The following RANBP2 variants were observed in gnomAD, a reference collection of about 807,000 sequenced individuals.
RANBP2 encodes E3 SUMO-protein ligase RanBP2.
Under a neutral mutation model 303.6 loss-of-function variants are expected in RANBP2, and 57 were observed. The ratio of observed to expected loss-of-function variants is 0.19; its 90% CI spans 0.15 to 0.23. RANBP2 has a LOEUF of 0.23. RANBP2 is among the 10% of genes least tolerant of loss of function. The pLI is 1.00. For missense variants in RANBP2, 3,138 were observed against 3,780.8 expected, an observed-to-expected ratio of 0.83 and a Z score of 4.46; for synonymous variants, 1,167 against 1,301.5, an observed-to-expected ratio of 0.90 and a Z score of 2.23.
At chr2:108,788,525 A>G (rs1679331588), downstream of RANBP2, among the ~76,000 whole-genome samples, 2 of 151,666 alleles carry the variant, frequency 1.3e-5, no homozygotes, top group African/African-American at 2.4e-5. Flanking sequence ...AGACCATCCT[A>G]GCTAACACGG....
chr2:109,492,830 G>T, the RANBP2 span, among the ~76,000 whole-genome samples: 1 of 152,026 alleles, frequency 6.6e-6, no homozygotes, highest in Non-Finnish European at 1.5e-5. Context: ...GGACATCGTG[G>T]GACATGTCAC....
intron 5 of RANBP2, 50 bp from the exon 6 acceptor site, chr2:108,736,054 T>A (rs757765149): frequency 6.2e-7 from 1 of 1,611,342 alleles, no homozygotes; most frequent in African/African-American, 1.3e-5. Context: ...ATGATTAATT[T>A]CTTAACATTT....
At chr2:108,979,497 A>G in the RANBP2 span, among the ~76,000 whole-genome samples, 3 of 147,918 alleles carry the variant, frequency 2.0e-5, no homozygotes, top group Admixed American at 1.4e-4. Flanking sequence ...ACACACACAC[A>G]CACGCATGGC....
At chr2:109,136,594 G>A in the RANBP2 span, among the ~76,000 whole-genome samples, 1 of 152,182 alleles carries the variant, frequency 6.6e-6, no homozygotes, top group Non-Finnish European at 1.5e-5. Flanking sequence ...CATCCTTGGA[G>A]GCCATTTAGA....
the RANBP2 span, among the ~76,000 whole-genome samples, chr2:109,465,881 A>G: frequency 6.6e-6 from 1 of 152,126 alleles, no homozygotes; most frequent in Admixed American, 6.5e-5. Flanking sequence ...GTGTTAAACC[A>G]TTCGTGAGAA....
chr2:109,024,902 T>C, the RANBP2 span, among the ~76,000 whole-genome samples: 2 of 152,236 alleles, frequency 1.3e-5, no homozygotes, highest in African/African-American at 4.8e-5. Context: ...CTGTTAAGTA[T>C]AGAATTCATT....
At chr2:109,051,483 G>A in the RANBP2 span, among the ~76,000 whole-genome samples, 2 of 152,156 alleles carry the variant, frequency 1.3e-5, no homozygotes, top group South Asian at 2.1e-4. Flanking sequence ...ACATGCAAGC[G>A]GTATAGAGTC....
At chr2:109,384,723 G>A in the RANBP2 span, among the ~76,000 whole-genome samples, 3 of 152,168 alleles carry the variant, frequency 2.0e-5, no homozygotes, top group Non-Finnish European at 2.9e-5. Context: ...CTTTGATAGT[G>A]TAAAATGCAT....
the RANBP2 span, among the ~76,000 whole-genome samples, chr2:109,120,970 G>T: frequency 1.8e-4 from 28 of 152,226 alleles, no homozygotes; most frequent in Non-Finnish European, 4.0e-4. Context: ...GTTCTGGCTG[G>T]GCGCGGTGGC....
the RANBP2 span, among the ~76,000 whole-genome samples, chr2:109,462,929 C>T: frequency 6.6e-6 from 1 of 152,196 alleles, no homozygotes; most frequent in South Asian, 2.1e-4. Flanking sequence ...GTCCAGCTGT[C>T]CCTGAAAAGT....
At chr2:109,213,106 C>T in the RANBP2 span, among the ~76,000 whole-genome samples, 2 of 152,204 alleles carry the variant, frequency 1.3e-5, no homozygotes, top group African/African-American at 4.8e-5. Flanking sequence ...AGTTGCATCA[C>T]TTTGGGTGCT....
chr2:109,406,306 G>T, the RANBP2 span, among the ~76,000 whole-genome samples: 1 of 152,178 alleles, frequency 6.6e-6, no homozygotes, highest in Non-Finnish European at 1.5e-5. Flanking sequence ...ATCGGGAAAT[G>T]ATTGCTTACA....
the RANBP2 span, chr2:109,667,028 C>A: frequency 8.0e-6 from 4 of 502,824 alleles, no homozygotes; most frequent in Non-Finnish European, 1.4e-5. Context: ...TCTAGTGTTA[C>A]TGATCTTATG....
At chr2:109,224,863 A>T in the RANBP2 span, among the ~76,000 whole-genome samples, 25 of 152,102 alleles carry the variant, frequency 1.6e-4, no homozygotes, top group African/African-American at 4.3e-4. Flanking sequence ...TCTCAAAAAA[A>T]TTTTTTTTCA....
At chr2:108,833,634 A>G in the RANBP2 span, among the ~76,000 whole-genome samples, 2 of 152,212 alleles carry the variant, frequency 1.3e-5, no homozygotes, top group East Asian at 1.9e-4. Context: ...CCAAAAAGCA[A>G]AGTGAAAGAT....
chr2:108,799,517 C>T, the RANBP2 span, among the ~76,000 whole-genome samples: 3 of 152,308 alleles, frequency 2.0e-5, no homozygotes, highest in East Asian at 5.8e-4. Context: ...GTACATCTGC[C>T]TTTTCCAGAA....
the RANBP2 span, among the ~76,000 whole-genome samples, chr2:109,567,653 TAA>T: frequency 9.9e-5 from 15 of 152,236 alleles, no homozygotes; most frequent in East Asian, 1.9e-4. Flanking sequence ...TTTTCCAACT[TAA>T]AAAACTAAAC....
chr2:108,988,751 G>T, the RANBP2 span, among the ~76,000 whole-genome samples: 1 of 152,144 alleles, frequency 6.6e-6, no homozygotes, highest in African/African-American at 2.4e-5. Flanking sequence ...GCAAAACAGG[G>T]TTTCTGATGT....
chr2:108,764,977 G>A lies in RANBP2; in HGVS notation c.4438G>A (p.Glu1480Lys), dbSNP rs201699574. 2.2e-5 allele frequency: 36 copies of A among 1,613,978 alleles called. No homozygotes were observed. The highest frequency in any genetic ancestry group is 2.9e-5 in the Non-Finnish European group (34 of 1,179,992). Reference sequence around the variant, plus strand: ...TTTCAGATCTGTTTTTTCTACAAAGGAAGGACAGTGGGATTGCAGTGCATG... The same window carrying A: ...TTTCAGATCTGTTTTTTCTACAAAGAAAGGACAGTGGGATTGCAGTGCATG... ...SDFRSVFSTK[E>K]GQWDCSACLV... The change falls in exon 20 of 29, where the codon GAA becomes AAA. Residue 1480 changes from glutamate to lysine, a missense_variant. Coordinates refer to ENST00000283195, the MANE Select transcript of RANBP2 (RefSeq NM_006267.5).
Sources: gnomAD v4.1 joint callset for allele counts (sites outside exome capture counted in the v4.1 genomes callset) on GRCh38, gnomAD v4.1.1 for gene constraint, MANE v1.5 for transcripts, NCBI Gene and HGNC (gene_info 2026-07-23, HGNC 2026-07-21) for gene names.